Variants in PDE4B observed in about 807,000 individuals in gnomAD.
PDE4B encodes the protein 3',5'-cyclic-AMP phosphodiesterase 4B.
In PDE4B, 20 loss-of-function variants were observed where a neutral mutation model predicts 82.2. The ratio of observed to expected loss-of-function variants is 0.24; its 90% CI spans 0.17 to 0.35. PDE4B has a LOEUF of 0.35. Among genes scored for constraint, PDE4B ranks in the 10% least tolerant of loss-of-function variants. The pLI is 1.00. For missense variants in PDE4B, 655 were observed against 907.2 expected (o/e 0.72, Z 3.57); for synonymous variants, 320 against 318.9 (o/e 1.00, Z -0.04).
intron 1 of PDE4B, among the ~76,000 whole-genome samples, chr1:65,843,042 A>G (rs17128040): frequency 0.031 from 4,644 of 152,232 alleles, 174 homozygotes; most frequent in East Asian, 0.13. Context: ...TGTAGGATGT[A>G]TATGGGTAAA....
intron 3 of PDE4B, among the ~76,000 whole-genome samples, chr1:65,975,776 G>A (rs568259532): frequency 7.2e-5 from 11 of 152,354 alleles, no homozygotes; most frequent in African/African-American, 2.4e-4. Flanking sequence ...TAAGCCCCAA[G>A]CCTTGGTGGC....
intron 3 of PDE4B, among the ~76,000 whole-genome samples, chr1:66,100,491 T>G (rs1645200911): frequency 6.6e-6 from 1 of 152,144 alleles, no homozygotes; most frequent in African/African-American, 2.4e-5. Flanking sequence ...TAATAAATAT[T>G]CACTTAATCA....
intron 3 of PDE4B, among the ~76,000 whole-genome samples, chr1:66,236,504 C>T (rs779537801): frequency 5.3e-5 from 8 of 152,026 alleles, no homozygotes; most frequent in Admixed American, 6.6e-5. Flanking sequence ...TGAAGGATTT[C>T]CTTTAACATT....
chr1:66,199,004 C>T (rs1195203179), intron 3 of PDE4B, among the ~76,000 whole-genome samples: 1 of 151,946 alleles, frequency 6.6e-6, no homozygotes, highest in African/African-American at 2.4e-5. Context: ...TTAATCCAGT[C>T]TATCGTTGTT....
At chr1:65,873,060 T>C (rs1438892512) in intron 1 of PDE4B, among the ~76,000 whole-genome samples, 1 of 152,180 alleles carries the variant, frequency 6.6e-6, no homozygotes, top group African/African-American at 2.4e-5. Context: ...AAGCCCCTGC[T>C]TTTCCAGAGC....
chr1:65,802,647 A>G (rs931112844), intron 1 of PDE4B, among the ~76,000 whole-genome samples: 33 of 152,218 alleles, frequency 2.2e-4, no homozygotes, highest in African/African-American at 7.7e-4. Context: ...TTGTCATTGC[A>G]TATGAAAATA....
intron 4 of PDE4B, among the ~76,000 whole-genome samples, chr1:66,257,074 T>C (rs1288328945): frequency 6.6e-6 from 1 of 152,196 alleles, no homozygotes; most frequent in East Asian, 1.9e-4. Context: ...GGTATGATTA[T>C]GGCAGGTTCA....
intron 7 of PDE4B, among the ~76,000 whole-genome samples, chr1:66,305,276 A>G (rs2083149787): frequency 6.6e-6 from 1 of 152,150 alleles, no homozygotes; most frequent in Admixed American, 6.6e-5. Flanking sequence ...GGCAGAGGGA[A>G]TAGCACAGTT....
chr1:66,287,046 A>T (rs1656727225), intron 7 of PDE4B, among the ~76,000 whole-genome samples: 1 of 152,152 alleles, frequency 6.6e-6, no homozygotes, highest in South Asian at 2.1e-4. Flanking sequence ...TGTGTGTAGC[A>T]GGGTTCTAAA....
At chr1:66,287,460 A>C (rs1424545599) in intron 7 of PDE4B, among the ~76,000 whole-genome samples, 1 of 152,160 alleles carries the variant, frequency 6.6e-6, no homozygotes, top group Non-Finnish European at 1.5e-5. Context: ...CTGTAATCCT[A>C]GCAAAGTTAA....
intron 3 of PDE4B, among the ~76,000 whole-genome samples, chr1:65,960,210 C>T (rs1429293921): frequency 6.6e-6 from 1 of 152,072 alleles, no homozygotes; most frequent in East Asian, 1.9e-4. Context: ...TTCACTGTAT[C>T]AGTGCATCGG....
At chr1:66,255,827 A>G (rs1028968634) in intron 4 of PDE4B, among the ~76,000 whole-genome samples, 2 of 152,126 alleles carry the variant, frequency 1.3e-5, no homozygotes, top group African/African-American at 4.8e-5. Context: ...GAGTTCATGG[A>G]TATTTTGTAT....
At chr1:65,921,055 G>A (rs1647232235) in intron 3 of PDE4B, among the ~76,000 whole-genome samples, 1 of 126,348 alleles carries the variant, frequency 7.9e-6, no homozygotes, top group Non-Finnish European at 1.6e-5. Flanking sequence ...TGCAAGCTCC[G>A]CCTCCCGGGT....
At chr1:66,294,682 A>G (rs760908570) in intron 7 of PDE4B, among the ~76,000 whole-genome samples, 1 of 152,092 alleles carries the variant, frequency 6.6e-6, no homozygotes, top group Non-Finnish European at 1.5e-5. Flanking sequence ...TTGTTATATT[A>G]GCTATTTTTT....
intron 3 of PDE4B, among the ~76,000 whole-genome samples, chr1:66,006,206 T>A (rs2489909): frequency 0.98 from 149,109 of 152,302 alleles, 73,067 homozygotes; most frequent in Middle Eastern, 1. Context: ...TTCTTACAGC[T>A]TTGCTGCATT....
chr1:66,265,242 G>A (rs1478941096), intron 6 of PDE4B, among the ~76,000 whole-genome samples: 2 of 152,180 alleles, frequency 1.3e-5, no homozygotes. Context: ...CCTAAAATTT[G>A]AGAGCCCCGC....
chr1:66,259,522 A>G (rs375870048), intron 6 of PDE4B, among the ~76,000 whole-genome samples: 51 of 152,194 alleles, frequency 3.4e-4, no homozygotes, highest in African/African-American at 1.1e-3. Context: ...CTGATTGTCT[A>G]TGTCCCATCT....
intron 3 of PDE4B, among the ~76,000 whole-genome samples, chr1:65,936,808 C>T (rs1648172019): frequency 6.6e-6 from 1 of 152,112 alleles, no homozygotes; most frequent in Non-Finnish European, 1.5e-5. Flanking sequence ...TCCTTTCAGC[C>T]AAAGGCAGGC....
intron 1 of PDE4B, among the ~76,000 whole-genome samples, chr1:65,809,296 A>G (rs930963830): frequency 3.6e-5 from 5 of 139,246 alleles, no homozygotes; most frequent in African/African-American, 1.1e-4. Flanking sequence ...GCACCACTGC[A>G]ATCTAGCCTG....
Sources: allele counts gnomAD v4.1 joint callset (sites outside exome capture counted in the v4.1 genomes callset), GRCh38; gene constraint gnomAD v4.1.1; transcripts MANE v1.5; gene names NCBI Gene and HGNC (gene_info 2026-07-23, HGNC 2026-07-21).